Variants in LMNTD1 observed in about 807,000 individuals in gnomAD.
LMNTD1 encodes the protein lamin tail domain-containing protein 1.
In LMNTD1, 35 loss-of-function variants were observed where a neutral mutation model predicts 50.9. The ratio of observed to expected loss-of-function variants is 0.69; its 90% CI spans 0.53 to 0.91. LMNTD1 has a LOEUF of 0.91. Ranked by LOEUF, LMNTD1 falls within the 40% of genes least tolerant of loss-of-function variation. The probability of loss-of-function intolerance (pLI) is 0.00; values close to 1 mark genes in which losing one functional copy is unlikely to be tolerated. For synonymous variants in LMNTD1, 153 were observed against 161.9 expected, an observed-to-expected ratio of 0.94 and a Z score of 0.42; for missense variants, 470 against 475.5, an observed-to-expected ratio of 0.99 and a Z score of 0.11.
intron 4 of LMNTD1, among the ~76,000 whole-genome samples, chr12:25,530,860 G>A (rs1942177468): frequency 6.6e-6 from 1 of 152,166 alleles, no homozygotes; most frequent in Admixed American, 6.5e-5. Flanking sequence ...TGTTAAGACA[G>A]GGAGAGTAGC....
At chr12:25,631,190 T>A (rs1946711380) in intron 1 of LMNTD1, among the ~76,000 whole-genome samples, 1 of 151,614 alleles carries the variant, frequency 6.6e-6, no homozygotes, top group Non-Finnish European at 1.5e-5. Context: ...CACCCCTACC[T>A]GATGGTCTTT....
At chr12:25,623,649 T>C (rs1249467791) in intron 1 of LMNTD1, among the ~76,000 whole-genome samples, 1 of 150,426 alleles carries the variant, frequency 6.6e-6, no homozygotes, top group Non-Finnish European at 1.5e-5. Context: ...TTTAAAAGAA[T>C]TTTGTTCTGG....
At chr12:25,607,836 G>T (rs1946148898) in intron 1 of LMNTD1, among the ~76,000 whole-genome samples, 1 of 152,176 alleles carries the variant, frequency 6.6e-6, no homozygotes, top group South Asian at 2.1e-4. Context: ...GAGTTCTGTA[G>T]ATGTCTATTA....
At chr12:25,541,759 G>T (rs1943093281) in intron 4 of LMNTD1, among the ~76,000 whole-genome samples, 2 of 131,874 alleles carry the variant, frequency 1.5e-5, no homozygotes, top group African/African-American at 2.8e-5. Context: ...CACAGCAAAA[G>T]AAACTACCAT....
At chr12:25,529,285 G>C (rs1262429152) in intron 4 of LMNTD1, among the ~76,000 whole-genome samples, 6 of 152,094 alleles carry the variant, frequency 3.9e-5, no homozygotes, top group Non-Finnish European at 8.8e-5. Context: ...TATAGGTGAT[G>C]TTATCCATGA....
intron 1 of LMNTD1, among the ~76,000 whole-genome samples, chr12:25,593,634 C>T (rs556598388): frequency 8.5e-5 from 13 of 152,094 alleles, no homozygotes; most frequent in South Asian, 4.1e-4. Flanking sequence ...TCTGGTAATA[C>T]GACAAAATGA....
At chr12:25,489,254 A>G (rs1938790820) in intron 9 of LMNTD1, among the ~76,000 whole-genome samples, 1 of 150,696 alleles carries the variant, frequency 6.6e-6, no homozygotes, top group African/African-American at 2.4e-5. Flanking sequence ...GTTTGATCTC[A>G]GACTGCTGTG....
At chr12:25,574,512 G>A (rs1185024536) in intron 1 of LMNTD1, among the ~76,000 whole-genome samples, 1 of 151,374 alleles carries the variant, frequency 6.6e-6, no homozygotes, top group Non-Finnish European at 1.5e-5. Context: ...AATAATGTGA[G>A]TAAGGCACTT....
intron 1 of LMNTD1, among the ~76,000 whole-genome samples, chr12:25,602,977 C>T (rs750857545): frequency 1.8e-4 from 27 of 152,116 alleles, no homozygotes; most frequent in Non-Finnish European, 3.2e-4. Flanking sequence ...ATTTGCCAAA[C>T]AGAAACCTGC....
At chr12:25,541,754 C>G (rs1333247217) in intron 4 of LMNTD1, among the ~76,000 whole-genome samples, 1 of 135,738 alleles carries the variant, frequency 7.4e-6, no homozygotes, top group African/African-American at 2.7e-5. Context: ...TTCTGCACAG[C>G]AAAAGAAACT....
intron 1 of LMNTD1, among the ~76,000 whole-genome samples, chr12:25,611,473 T>C (rs1420713602): frequency 6.6e-6 from 1 of 152,202 alleles, no homozygotes. Flanking sequence ...TTGTCCACAC[T>C]GGAATCCTCG....
chr12:25,532,833 C>G (rs973250934), intron 4 of LMNTD1, among the ~76,000 whole-genome samples: 2 of 152,140 alleles, frequency 1.3e-5, no homozygotes, highest in Non-Finnish European at 2.9e-5. Context: ...CCTCATCTTA[C>G]TGTTACTAAA....
chr12:25,476,576 AC>A (rs768888420), intron 9 of LMNTD1, 116 bp from the exon 10 acceptor site: 51 of 152,368 alleles, frequency 3.3e-4, no homozygotes, highest in African/African-American at 1.1e-3. Flanking sequence ...TCTATGAGGT[AC>A]ATGTGCTTAC....
chr12:25,647,310 CTATCTCTACCAAAAAT>C (rs1947094314), intron 1 of LMNTD1, among the ~76,000 whole-genome samples: 1 of 152,020 alleles, frequency 6.6e-6, no homozygotes, highest in Non-Finnish European at 1.5e-5. Flanking sequence ...ATGGCAAAAC[CTATCTCTACCAAAAAT>C]ACAAAAAAAT....
intron 1 of LMNTD1, among the ~76,000 whole-genome samples, chr12:25,641,155 G>T (rs1235182346): frequency 6.6e-6 from 1 of 152,164 alleles, no homozygotes; most frequent in Non-Finnish European, 1.5e-5. Context: ...TGGATGGATG[G>T]ATGACTATAG....
intron 1 of LMNTD1, among the ~76,000 whole-genome samples, chr12:25,584,842 G>A (rs1378059243): frequency 1.3e-5 from 2 of 152,178 alleles, no homozygotes; most frequent in African/African-American, 4.8e-5. Context: ...TCAGTAAGGA[G>A]TGTTTTTCCA....
chr12:25,565,737 A>G (rs74492685), intron 1 of LMNTD1, among the ~76,000 whole-genome samples: 258 of 152,186 alleles, frequency 1.7e-3, no homozygotes, highest in African/African-American at 5.9e-3. Flanking sequence ...TTTCTTTCTG[A>G]TTGAAGTTCT....
chr12:25,640,839 T>G (rs1485213570), intron 1 of LMNTD1, among the ~76,000 whole-genome samples: 1 of 152,096 alleles, frequency 6.6e-6, no homozygotes, highest in Admixed American at 6.6e-5. Context: ...ACTTTTTTTT[T>G]GTATTTTTTA....
intron 1 of LMNTD1, among the ~76,000 whole-genome samples, chr12:25,634,750 A>G (rs1254081424): frequency 1.3e-5 from 2 of 152,180 alleles, no homozygotes; most frequent in Non-Finnish European, 2.9e-5. Flanking sequence ...CTGGCACAAA[A>G]CAAGGATGCC....
Sources: allele counts gnomAD v4.1 joint callset (sites outside exome capture counted in the v4.1 genomes callset), GRCh38; gene constraint gnomAD v4.1.1; transcripts MANE v1.5; gene names NCBI Gene and HGNC (gene_info 2026-07-23, HGNC 2026-07-21).